DGKG: variants seen among roughly 807,000 people sequenced by gnomAD.
DGKG encodes the protein DAG kinase gamma.
DGKG carries 78 observed loss-of-function variants against 105.3 expected under a neutral mutation model. That is an observed-to-expected ratio of 0.74 (90% confidence interval 0.62 to 0.89). The LOEUF (loss-of-function observed/expected upper bound fraction) is 0.89. Ranked by LOEUF, DGKG falls within the 40% of genes least tolerant of loss-of-function variation. DGKG has a pLI of 0.00. For synonymous variants in DGKG, 346 were observed against 367.1 expected (o/e 0.94, Z 0.66); for missense variants, 958 against 1,020.1 (o/e 0.94, Z 0.83).
chr3:186,225,631 C>T (rs527864177), intron 20 of DGKG, among the ~76,000 whole-genome samples: 4 of 152,172 alleles, frequency 2.6e-5, no homozygotes, highest in Admixed American at 6.5e-5. Flanking sequence ...CAATGATCGA[C>T]GGCCACTGAG....
chr3:186,190,846 A>G (rs1024715742), intron 21 of DGKG, among the ~76,000 whole-genome samples: 2 of 152,162 alleles, frequency 1.3e-5, no homozygotes, highest in African/African-American at 4.8e-5. Flanking sequence ...AAAGGAAAAA[A>G]CAGTGACCGA....
At chr3:186,297,388 T>G (rs1287493987) in intron 5 of DGKG, 33 bp downstream of exon 5, 1 of 1,558,490 alleles carries the variant, frequency 6.4e-7, no homozygotes, top group Non-Finnish European at 8.9e-7. Flanking sequence ...TATTCCCTAC[T>G]TTTCCCACAA....
chr3:186,309,738 T>C (rs1724427150), intron 2 of DGKG, among the ~76,000 whole-genome samples: 1 of 152,218 alleles, frequency 6.6e-6, no homozygotes, highest in Non-Finnish European at 1.5e-5. Flanking sequence ...GAATATATGA[T>C]ATTTTGATGT....
chr3:186,194,127 C>T (rs1288440907), intron 21 of DGKG, among the ~76,000 whole-genome samples: 1 of 152,214 alleles, frequency 6.6e-6, no homozygotes, highest in Non-Finnish European at 1.5e-5. Flanking sequence ...GGAAGACAAT[C>T]CCCCCAGTTC....
At chr3:186,238,641 C>T (rs1720531865) in intron 20 of DGKG, among the ~76,000 whole-genome samples, 1 of 152,180 alleles carries the variant, frequency 6.6e-6, no homozygotes, top group African/African-American at 2.4e-5. Context: ...ATCTCCCTAA[C>T]ATTCCTCAAT....
intron 21 of DGKG, among the ~76,000 whole-genome samples, chr3:186,202,234 C>T (rs1305035669): frequency 3.9e-5 from 6 of 152,192 alleles, no homozygotes; most frequent in African/African-American, 7.2e-5. Flanking sequence ...AGATATAACA[C>T]GTGTGTGTGC....
chr3:186,161,448 G>A, intron 24 of DGKG, 155 bp downstream of exon 24: 14 of 1,451,494 alleles, frequency 9.6e-6, no homozygotes, highest in Non-Finnish European at 1.3e-5. Context: ...CCAGGTAAAT[G>A]AGTGGATGGA....
intron 22 of DGKG, among the ~76,000 whole-genome samples, chr3:186,166,417 G>A (rs1716548365): frequency 6.6e-6 from 1 of 152,172 alleles, no homozygotes; most frequent in African/African-American, 2.4e-5. Context: ...CATCTCATTT[G>A]GACTTGGAAA....
At chr3:186,275,077 C>T (rs1011205652) in intron 10 of DGKG, among the ~76,000 whole-genome samples, 2 of 152,194 alleles carry the variant, frequency 1.3e-5, no homozygotes, top group African/African-American at 4.8e-5. Flanking sequence ...CAAGGTTTCT[C>T]CATGTTGGCA....
At chr3:186,251,443 T>C (rs1445851949) in intron 19 of DGKG, among the ~76,000 whole-genome samples, 1 of 152,200 alleles carries the variant, frequency 6.6e-6, no homozygotes, top group East Asian at 1.9e-4. Flanking sequence ...GGTTATTTCT[T>C]GGTGTTGCTT....
intron 3 of DGKG, among the ~76,000 whole-genome samples, chr3:186,302,504 A>ACC (rs1723999842): frequency 1.2e-4 from 1 of 8,242 alleles, no homozygotes; most frequent in African/African-American, 6.3e-4. Context: ...ATATATATAT[A>ACC]TACATATGTG....
At chr3:186,308,066 A>AC (rs1024876506) in intron 2 of DGKG, among the ~76,000 whole-genome samples, 2 of 150,338 alleles carry the variant, frequency 1.3e-5, no homozygotes, top group African/African-American at 4.9e-5. Context: ...TGAGGCCTCC[A>AC]CCCCCCGCCA....
intron 21 of DGKG, among the ~76,000 whole-genome samples, chr3:186,206,226 A>C (rs1438977481): frequency 1.3e-5 from 2 of 152,106 alleles, no homozygotes; most frequent in African/African-American, 4.8e-5. Flanking sequence ...TCTACTAAAA[A>C]TGCAAAAATT....
chr3:186,212,276 G>A (rs1173949515), intron 20 of DGKG, among the ~76,000 whole-genome samples: 2 of 152,118 alleles, frequency 1.3e-5, no homozygotes, highest in African/African-American at 2.4e-5. Context: ...CTCTCTTTTG[G>A]GTATGTTTGG....
intron 2 of DGKG, among the ~76,000 whole-genome samples, chr3:186,317,510 C>T (rs111838050): frequency 0.012 from 1,860 of 152,308 alleles, 33 homozygotes; most frequent in African/African-American, 0.042. Flanking sequence ...TCCCCCAACA[C>T]TCCTGATGCC....
At chr3:186,309,017 G>A (rs1029440940) in intron 2 of DGKG, among the ~76,000 whole-genome samples, 3 of 152,204 alleles carry the variant, frequency 2.0e-5, no homozygotes, top group East Asian at 1.9e-4. Flanking sequence ...GCTCAAAAGT[G>A]TATGGTCTTT....
At chr3:186,218,500 C>A (rs6796597) in intron 20 of DGKG, among the ~76,000 whole-genome samples, 1 of 32,552 alleles carries the variant, frequency 3.1e-5, no homozygotes, top group Non-Finnish European at 5.0e-5. Flanking sequence ...GAGACTCCGT[C>A]TGAAAAAAAA....
chr3:186,261,419 C>T (rs1361372080), intron 15 of DGKG, among the ~76,000 whole-genome samples: 1 of 152,208 alleles, frequency 6.6e-6, no homozygotes, highest in African/African-American at 2.4e-5. Flanking sequence ...CGTGGTCTAA[C>T]TCTAGTGGTC....
intron 9 of DGKG, 179 bp downstream of exon 9, chr3:186,279,668 CAAAT>C: frequency 3.6e-6 from 2 of 555,628 alleles, no homozygotes; most frequent in Non-Finnish European, 6.2e-6. Flanking sequence ...AAATGTCTGT[CAAAT>C]GAATATACTT....
Sources: gnomAD v4.1 joint callset for allele counts (sites outside exome capture counted in the v4.1 genomes callset) on GRCh38, gnomAD v4.1.1 for gene constraint, MANE v1.5 for transcripts, NCBI Gene and HGNC (gene_info 2026-07-23, HGNC 2026-07-21) for gene names.